Variants in SYT2 observed in about 807,000 individuals in gnomAD.
SYT2 encodes the protein synaptotagmin 2, also known as synaptotagmin-2.
In SYT2, 15 loss-of-function variants were observed where a neutral mutation model predicts 39.9. That is an observed-to-expected ratio of 0.38 (90% CI 0.25 to 0.58). The LOEUF (loss-of-function observed/expected upper bound fraction) is 0.58, where lower values mean the gene tolerates loss of function less well. Among genes scored for constraint, SYT2 ranks in the 20% least tolerant of loss-of-function variants. The pLI, the probability that SYT2 is intolerant of heterozygous loss-of-function variation, is 0.70. For missense variants in SYT2, 389 were observed against 530.3 expected, an observed-to-expected ratio of 0.73 and a Z score of 2.62; for synonymous variants, 181 against 204.5, an observed-to-expected ratio of 0.89 and a Z score of 0.98.
chr1:202,612,729 T>C (rs1690921093), intron 1 of SYT2, among the ~76,000 whole-genome samples: 1 of 152,214 alleles, frequency 6.6e-6, no homozygotes, highest in Admixed American at 6.5e-5. Context: ...ATATGAATTT[T>C]AGGACCACCT....
intron 1 of SYT2, among the ~76,000 whole-genome samples, chr1:202,635,883 G>A (rs183954042): frequency 9.8e-5 from 15 of 152,316 alleles, no homozygotes; most frequent in Admixed American, 8.5e-4. Context: ...AGGAGGAAGC[G>A]ACAAGGGCAC....
At position 202,677,566 on chromosome 1, in the gene SYT2, G is replaced by C. The variant is rs116951100; in HGVS notation, c.-18+32692C>G. On this transcript the variant is annotated intron_variant, in intron 1 of 8. Coordinates refer to ENST00000367268, the MANE Select transcript of SYT2 (RefSeq NM_177402.5). ...GCCAGCCCCAACTCGCCATGTGAAT[G>C]AGCTATGTTGAAAGTAGATCCTCCA... 3.6e-4 allele frequency among the ~76,000 whole-genome samples: 55 copies of C among 152,286 alleles called. No individual in the cohort carries two copies. The East Asian group carries it at 0.01, about 28-fold the overall frequency.
chr1:202,669,727 C>T (rs989008990), intron 1 of SYT2, among the ~76,000 whole-genome samples: 1 of 149,754 alleles, frequency 6.7e-6, no homozygotes, highest in Non-Finnish European at 1.5e-5. Context: ...CACTGAACTC[C>T]GGCTTGGATG....
chr1:202,658,922 G>T (rs968502624), intron 1 of SYT2, among the ~76,000 whole-genome samples: 1 of 152,150 alleles, frequency 6.6e-6, no homozygotes, highest in Non-Finnish European at 1.5e-5. Context: ...CAGACTGATT[G>T]AACTTAAATG....
chr1:202,692,758 C>T (rs911808834), intron 1 of SYT2, among the ~76,000 whole-genome samples: 1 of 152,146 alleles, frequency 6.6e-6, no homozygotes, highest in Non-Finnish European at 1.5e-5. Context: ...CAGCTTCTAC[C>T]TCCAAAATTG....
intron 1 of SYT2, among the ~76,000 whole-genome samples, chr1:202,688,514 C>G (rs1653733029): frequency 6.6e-6 from 1 of 152,184 alleles, no homozygotes; most frequent in South Asian, 2.1e-4. Context: ...AGAAATGTGT[C>G]AAGTTGGAGA....
intron 1 of SYT2, among the ~76,000 whole-genome samples, chr1:202,608,769 T>G (rs1690790242): frequency 6.6e-6 from 1 of 152,208 alleles, no homozygotes. Context: ...TATACATAGG[T>G]ATGGAATTGC....
intron 1 of SYT2, among the ~76,000 whole-genome samples, chr1:202,651,174 C>G (rs990414659): frequency 6.6e-6 from 1 of 152,054 alleles, no homozygotes; most frequent in Non-Finnish European, 1.5e-5. Flanking sequence ...CCAGTCTACA[C>G]CATGGAGGAG....
rs1170825964 is a variant in SYT2, at chr1:202,596,278, C to T, written c.*479G>A. 4.0e-5 allele frequency: 3 copies of T among 75,040 alleles called. No individual in the cohort carries two copies. Among genetic ancestry groups the T allele is most frequent in the African/African-American group, 6.0e-5 (1 of 16,648 alleles). The allele number at this position is 75,040 out of a possible 1,614,324, so 4.6% of individuals were successfully genotyped here. On this transcript the variant is annotated 3_prime_UTR_variant, in exon 9 of 9. Transcript: ENST00000367268. Reference sequence around the variant, plus strand: ...AGAGAAATGCTCAAAGACACACACACACACACACACACACACACACACACA... The same window carrying T: ...AGAGAAATGCTCAAAGACACACACATACACACACACACACACACACACACA...
At chr1:202,692,728 A>G (rs1243735694) in intron 1 of SYT2, among the ~76,000 whole-genome samples, 1 of 152,162 alleles carries the variant, frequency 6.6e-6, no homozygotes, top group East Asian at 1.9e-4. Context: ...ATGTTATACA[A>G]CACTAGTTTT....
chr1:202,612,236 A>G (rs987058890), intron 1 of SYT2, among the ~76,000 whole-genome samples: 1 of 152,082 alleles, frequency 6.6e-6, no homozygotes, highest in Non-Finnish European at 1.5e-5. Flanking sequence ...TGGACTCTCA[A>G]TTCTATCTGT....
chr1:202,684,077 T>C (rs1653596541), intron 1 of SYT2, among the ~76,000 whole-genome samples: 1 of 152,272 alleles, frequency 6.6e-6, no homozygotes, highest in East Asian at 1.9e-4. Flanking sequence ...TTTTTGTATA[T>C]ATTTAGGTGT....
chr1:202,614,952 G>C lies in SYT2; in HGVS notation c.-17-9163C>G, dbSNP rs969850278. 2.0e-5 allele frequency among the ~76,000 whole-genome samples: 3 copies of C among 152,224 alleles called. No homozygotes were observed. The highest frequency in any genetic ancestry group is 4.8e-5 in the African/African-American group (2 of 41,458). The stretch of plus-strand genomic sequence containing the variant: ...AGCTGTGGGAGGCCTTTTAGGGTGG[G>C]GGCAGGGGTAACATGTACAAATGTA... On this transcript the variant is annotated intron_variant, in intron 1 of 8. Coordinates refer to ENST00000367268, the MANE Select transcript of SYT2 (RefSeq NM_177402.5). This position sits in a 1 kb window ranked among gnomAD's most constrained non-coding sequence, Gnocchi z 4.0.
intron 1 of SYT2, among the ~76,000 whole-genome samples, chr1:202,664,025 G>A (rs1006226515): frequency 6.6e-6 from 1 of 152,182 alleles, no homozygotes; most frequent in Non-Finnish European, 1.5e-5. Flanking sequence ...GATGTCAGCT[G>A]CCTTGCTGCG....
intron 1 of SYT2, among the ~76,000 whole-genome samples, chr1:202,678,044 C>T (rs539216509): frequency 5.3e-5 from 8 of 152,152 alleles, no homozygotes; most frequent in South Asian, 2.1e-4. Context: ...GAGGCCAAGG[C>T]GGGTGGATCA....
chr1:202,605,710 C>T lies in SYT2; in HGVS notation c.63G>A (p.Thr21=), dbSNP rs765017790. Residue 21 remains threonine (T), a synonymous_variant, in exon 2 of 9, where the codon ACG becomes ACA. Coordinates refer to ENST00000367268, the MANE Select transcript of SYT2 (RefSeq NM_177402.5). The part of the protein sequence containing the change: ...PIVAPATTTA[T]MPIGPVDNST... ...AGTTGTCCACGGGTCCAATGGGCAT[C>T]GTGGCGGTGGTGGTGGCAGGAGCCA... 13 of 1,613,906 alleles carry T rather than the reference C, an allele frequency of 8.1e-6. No individual in the cohort carries two copies. The highest frequency in any genetic ancestry group is 1.6e-4 in the Middle Eastern group (1 of 6,082).
chr1:202,652,391 C>A (rs1692210209), intron 1 of SYT2, among the ~76,000 whole-genome samples: 1 of 152,226 alleles, frequency 6.6e-6, no homozygotes, highest in Non-Finnish European at 1.5e-5. Flanking sequence ...CTTCATCTCT[C>A]AGCTCCTCCT....
rs1558463323 is a variant in SYT2, at chr1:202,691,719, GAGGGAGAGGGGGGGAGA to G, written c.-18+18522_-18+18538del. ...AGAGGGAGAGGGAGAGGGAGAGGGA[GAGGGAGAGGGGGGGAGA>G]GAGAGAGAGAGAGAGAGAGAGAGAG... On this transcript the variant is annotated intron_variant, in intron 1 of 8. Coordinates refer to ENST00000367268, the MANE Select transcript of SYT2 (RefSeq NM_177402.5). 6.2e-3 allele frequency among the ~76,000 whole-genome samples: 268 copies of G among 43,266 alleles called. 22 individuals are homozygous for G. Among genetic ancestry groups the G allele is most frequent in the Non-Finnish European group, 7.4e-3 (128 of 17,248 alleles). 28.4% of individuals were successfully genotyped at this position (43,266 alleles called of 152,430 possible). A position where few individuals can be genotyped will look rare whatever the true frequency, so the allele number is the denominator to read the frequency against.
chr1:202,696,615 G>A (rs1306936137), intron 1 of SYT2, among the ~76,000 whole-genome samples: 1 of 152,180 alleles, frequency 6.6e-6, no homozygotes, highest in Non-Finnish European at 1.5e-5. Context: ...CTCCACGAAT[G>A]TGTTCCTTGG....
Sources: gnomAD v4.1 joint callset for allele counts (sites outside exome capture counted in the v4.1 genomes callset) on GRCh38, gnomAD v4.1.1 for gene constraint, Gnocchi (gnomAD v3.1) non-coding constraint, MANE v1.5 for transcripts, NCBI Gene and HGNC (gene_info 2026-07-23, HGNC 2026-07-21) for gene names.